Variants in ABCA12 observed in about 807,000 individuals in gnomAD.
ABCA12 encodes the protein ATP binding cassette subfamily A member 12.
ABCA12 carries 156 observed loss-of-function variants against 293.5 expected under a neutral mutation model. The observed-to-expected ratio is 0.53, with a 90% CI of 0.47 to 0.61. The LOEUF (loss-of-function observed/expected upper bound fraction) is 0.61, where lower values mean the gene tolerates loss of function less well. Ranked by LOEUF, ABCA12 falls within the 20% of genes least tolerant of loss-of-function variation. The pLI, the probability that ABCA12 is intolerant of heterozygous loss-of-function variation, is 0.00. For missense variants in ABCA12, 2,797 were observed against 3,090.2 expected (o/e 0.91, Z 2.25); for synonymous variants, 1,063 against 1,108.0 (o/e 0.96, Z 0.81).
rs111359556 is a variant in ABCA12 at position 215,100,595 on chromosome 2, T to C, written c.163+11002A>G. ...TGGCCAAGATCTATATTTAACACTTTTACTTTAATTATATTTAATTTTTTG... is the reference window on the plus strand; with the variant it reads ...TGGCCAAGATCTATATTTAACACTTCTACTTTAATTATATTTAATTTTTTG... On this transcript the variant is annotated intron_variant, in intron 2 of 52. Coordinates refer to ENST00000272895, the MANE Select transcript of ABCA12 (RefSeq NM_173076.3). Among the ~76,000 whole-genome samples, 98 of 152,308 alleles carry C rather than the reference T, an allele frequency of 6.4e-4. 1 individual carries two copies. The highest frequency in any genetic ancestry group is 2.2e-3 in the African/African-American group (91 of 41,576).
intron 1 of ABCA12, among the ~76,000 whole-genome samples, chr2:215,127,613 C>T (rs1456872272): frequency 2.6e-5 from 4 of 152,158 alleles, no homozygotes; most frequent in East Asian, 3.9e-4. Flanking sequence ...GAATAGGTAC[C>T]GCTGCTTGCT....
At chr2:215,129,335 G>C (rs1173001867) in intron 1 of ABCA12, among the ~76,000 whole-genome samples, 1 of 152,178 alleles carries the variant, frequency 6.6e-6, no homozygotes, top group Non-Finnish European at 1.5e-5. Flanking sequence ...AGGTCTCCAG[G>C]TCATGTCCCT....
chr2:215,089,406 A>C (rs888199950), intron 2 of ABCA12, among the ~76,000 whole-genome samples: 1 of 152,204 alleles, frequency 6.6e-6, no homozygotes, highest in South Asian at 2.1e-4. Flanking sequence ...TAATAATAAA[A>C]CAAGAGCTAC....
intron 7 of ABCA12, among the ~76,000 whole-genome samples, chr2:215,038,508 C>T (rs1020470415): frequency 1.3e-5 from 2 of 152,094 alleles, no homozygotes; most frequent in South Asian, 2.1e-4. Flanking sequence ...AGCTGTGTTC[C>T]GAACAGTTGG....
At position 215,122,291 on chromosome 2, in the gene ABCA12, G is replaced by A. The variant is rs7606832; in HGVS notation, c.70-10601C>T. Among the ~76,000 whole-genome samples the A allele has an allele frequency of 4.4e-3, 665 of 152,238 alleles. 6 individuals are homozygous for A. The highest frequency in any genetic ancestry group is 0.015 in the African/African-American group (634 of 41,544). On this transcript the variant is annotated intron_variant, in intron 1 of 52. Coordinates refer to ENST00000272895, the MANE Select transcript of ABCA12 (RefSeq NM_173076.3). Reference sequence around the variant, plus strand: ...AACTAAAATTTTCAAGCAATTAAAAGGGATTAAGGGAGTAAATGATACCAA... The same window carrying A: ...AACTAAAATTTTCAAGCAATTAAAAAGGATTAAGGGAGTAAATGATACCAA...
chr2:214,945,241 T>A, intron 48 of ABCA12, 137 bp from the exon 49 acceptor site: 1 of 695,704 alleles, frequency 1.4e-6, no homozygotes, highest in African/African-American at 1.8e-5. Flanking sequence ...TTATACTTAA[T>A]AGACTTCTTT....
chr2:215,100,061 C>G (rs1394471235), intron 2 of ABCA12, among the ~76,000 whole-genome samples: 1 of 151,402 alleles, frequency 6.6e-6, no homozygotes, highest in East Asian at 1.9e-4. Context: ...TTTCCCAGGC[C>G]TGGAGTACAG....
At chr2:214,958,846 T>C (rs897710940) in intron 40 of ABCA12, among the ~76,000 whole-genome samples, 178 bp downstream of exon 40, 2 of 152,158 alleles carry the variant, frequency 1.3e-5, no homozygotes, top group Non-Finnish European at 2.9e-5. Context: ...CAAGCTCTAC[T>C]TGGCAAGCCC....
At chr2:215,021,323 T>C (rs1349071460) in intron 11 of ABCA12, among the ~76,000 whole-genome samples, 1 of 152,210 alleles carries the variant, frequency 6.6e-6, no homozygotes, top group African/African-American at 2.4e-5. Context: ...TACAGGATAC[T>C]CGGTGTTTTT....
chr2:215,118,148 T>C (rs1387110841), intron 1 of ABCA12, among the ~76,000 whole-genome samples: 4 of 152,186 alleles, frequency 2.6e-5, no homozygotes, highest in Admixed American at 2.6e-4. Context: ...ATGCCTGTAA[T>C]CCCAGCACTT....
chr2:214,989,611 G>T lies in ABCA12; in HGVS notation c.3635C>A (p.Ser1212Tyr). ...YVLKVFMSLL[S>Y]PTAFSYASQY... ...GCTTGCATAGCTGAATGCTGTTGGG[G>T]ACAGCAGGCTCTGTGAAGAAAGGAA... The change falls in exon 25 of 53, where the codon TCC becomes TAC. Residue 1212 changes from serine (S) to tyrosine (Y), a missense_variant. By Grantham distance (144) the Ser-to-Tyr change is moderately radical. This residue lies in a region of ABCA12 where 2,130 missense variants were observed against 2,427.0 expected (regional missense o/e 0.88). Transcript: ENST00000272895. 1 of 1,613,932 alleles carries T rather than the reference G, an allele frequency of 6.2e-7. No individual in the cohort carries two copies. Among genetic ancestry groups the T allele is most frequent in the Non-Finnish European group, 8.5e-7 (1 of 1,179,914 alleles).
Position 214,970,312 on chromosome 2 carries a change from T to G in ABCA12, c.5651A>C (p.Asn1884Thr), listed in dbSNP as rs1240208336. The change falls in exon 37 of 53, where the codon AAT (asparagine) becomes ACT (threonine). Residue 1884 changes from asparagine to threonine, a missense_variant. Physicochemically the swap from Asn to Thr is moderately conservative, Grantham distance 65. This residue lies in a region of ABCA12 where 2,130 missense variants were observed against 2,427.0 expected (regional missense o/e 0.88). Coordinates refer to ENST00000272895, the MANE Select transcript of ABCA12 (RefSeq NM_173076.3). Reference protein sequence around the residue: ...IYNLTGQRVENYLISTANEFV... With the variant: ...IYNLTGQRVETYLISTANEFV... ...CTCATTTGCAGTTGATATAAGATAA[T>G]TTTCCACTCGTTGCCCAGTGAGGTT... 1 of 1,613,174 alleles carries G rather than the reference T, an allele frequency of 6.2e-7. No homozygotes were observed. Among genetic ancestry groups the G allele is most frequent in the East Asian group, 2.2e-5 (1 of 44,776 alleles).
chr2:215,075,318 G>A (rs570677852), intron 2 of ABCA12, among the ~76,000 whole-genome samples: 2 of 152,210 alleles, frequency 1.3e-5, no homozygotes, highest in African/African-American at 4.8e-5. Context: ...GTTGTTAGGA[G>A]TTAATCAGAG....
chr2:215,118,890 T>C (rs1224553959), intron 1 of ABCA12, among the ~76,000 whole-genome samples: 1 of 152,220 alleles, frequency 6.6e-6, no homozygotes, highest in East Asian at 1.9e-4. Flanking sequence ...AAGTTTCTTA[T>C]AGATTCTGGA....
chr2:215,075,757 A>T, intron 2 of ABCA12: 1 of 542,560 alleles, frequency 1.8e-6, no homozygotes, highest in South Asian at 2.6e-5. Context: ...CAATAGAGGT[A>T]TGTTACTAAC....
intron 7 of ABCA12, 81 bp from the exon 8 acceptor site, chr2:215,037,146 G>T: frequency 9.7e-7 from 1 of 1,032,734 alleles, no homozygotes; most frequent in Admixed American, 1.9e-5. Flanking sequence ...AGGAGAAAAT[G>T]GCTACAGTAT....
Position 214,983,787 on chromosome 2 carries a change from G to A in ABCA12, c.4242C>T (p.His1414=). 2.5e-6 allele frequency: 4 copies of A among 1,614,132 alleles called. No homozygotes were observed. The highest frequency in any genetic ancestry group is 3.4e-6 in the Non-Finnish European group (4 of 1,180,022). ...AGACTCCCATGTTCTTCCGTACCGT[G>A]TGTAGGTCTGTTTTGATATCTTTTC... is the stretch of plus-strand genomic sequence containing the variant. ...VYGKDIKTDL[H]TVRKNMGVCM... is the part of the protein sequence containing the mutation. The change falls in exon 29 of 53, where the codon CAC becomes CAT. Residue 1414 remains histidine (H), a synonymous_variant. Coordinates refer to ENST00000272895, the MANE Select transcript of ABCA12 (RefSeq NM_173076.3).
chr2:215,073,640 C>T (rs1701781022), intron 2 of ABCA12, among the ~76,000 whole-genome samples: 1 of 152,008 alleles, frequency 6.6e-6, no homozygotes, highest in African/African-American at 2.4e-5. Context: ...AGGAGGGGTA[C>T]CCTGGAGGAA....
chr2:215,109,014 C>T (rs1248876085), intron 2 of ABCA12, among the ~76,000 whole-genome samples: 2 of 151,720 alleles, frequency 1.3e-5, no homozygotes, highest in Non-Finnish European at 2.9e-5. Context: ...TGGCAGCGAG[C>T]CGAGATCGCA....
Sources: gnomAD v4.1 joint callset for allele counts (sites outside exome capture counted in the v4.1 genomes callset) on GRCh38, gnomAD v4.1.1 for gene constraint, gnomAD v4.1.1 regional missense constraint, MANE v1.5 for transcripts, NCBI Gene and HGNC (gene_info 2026-07-23, HGNC 2026-07-21) for gene names.